The following FAM178B variants were observed in gnomAD, a reference collection of about 807,000 sequenced individuals.
FAM178B encodes protein FAM178B.
Under a neutral mutation model 91.7 loss-of-function variants are expected in FAM178B, and 82 were observed. That is an observed-to-expected ratio of 0.89 (90% CI 0.75 to 1.07). The LOEUF (loss-of-function observed/expected upper bound fraction) is 1.07, where lower values mean the gene tolerates loss of function less well. Among genes scored for constraint, FAM178B ranks in the 50% least tolerant of loss-of-function variants. The pLI, the probability that FAM178B is intolerant of heterozygous loss-of-function variation, is 0.00. For missense variants in FAM178B, 769 were observed against 846.7 expected, an observed-to-expected ratio of 0.91 and a Z score of 1.14; for synonymous variants, 368 against 359.4, an observed-to-expected ratio of 1.02 and a Z score of -0.27.
At chr2:96,916,249 G>A (rs904236513) in intron 12 of FAM178B, among the ~76,000 whole-genome samples, 2 of 152,226 alleles carry the variant, frequency 1.3e-5, no homozygotes, top group Admixed American at 6.5e-5. Context: ...CATGAGCAGG[G>A]AAGCATATGC....
At position 96,971,339 on chromosome 2, in the gene FAM178B, CTCTG is replaced by C. The variant is rs546996672; in HGVS notation, c.564+558_564+561del. ...CCCTCTGTCCCCCTCTCCCTTGTGT[CTCTG>C]TCTGTCTGTCTGTCTGTCTCTCTCT... On this transcript the variant is annotated intron_variant, in intron 3 of 16. Transcript: ENST00000490605. Among the ~76,000 whole-genome samples the C allele has an allele frequency of 6.3e-4, 94 of 148,354 alleles. 1 individual carries two copies. Among genetic ancestry groups the C allele is most frequent in the East Asian group, 1.4e-3 (7 of 5,018 alleles).
intron 14 of FAM178B, among the ~76,000 whole-genome samples, chr2:96,881,699 C>T (rs1431270424): frequency 7.1e-6 from 1 of 141,262 alleles, no homozygotes; most frequent in Non-Finnish European, 1.5e-5. Flanking sequence ...GGTTTCACAA[C>T]TTGTTTCTTA....
In FAM178B at chr2:96,967,628, C is replaced by T. The variant is rs1306010469; in HGVS notation, c.627-1G>A. On this transcript the variant is annotated splice_acceptor_variant, in intron 4 of 16. Transcript: ENST00000490605. LOFTEE classifies it high-confidence loss of function. ...TCGCTCCTGCTCCAGGGCCTGTTCC[C>T]TATAGGAAGTCGAGGGCCAGAGCCG... The T allele has an allele frequency of 2.6e-6, 4 of 1,546,362 alleles. No individual in the cohort carries two copies. The highest frequency in any genetic ancestry group is 2.0e-5 in the Admixed American group (1 of 50,990).
chr2:96,967,649 A>G lies in FAM178B; in HGVS notation c.627-22T>C, dbSNP rs565109422. On this transcript the variant is annotated intron_variant, in intron 4 of 16. Transcript: ENST00000490605. The stretch of plus-strand genomic sequence containing the variant: ...TTCCCTATAGGAAGTCGAGGGCCAG[A>G]GCCGGGGGTCAGTGTTGTTCCCCAT... The G allele has an allele frequency of 1.5e-5, 22 of 1,499,558 alleles. No homozygotes were observed. The Admixed American group carries it at 4.3e-4, about 29-fold the overall frequency. 92.9% of individuals were successfully genotyped at this position (1,499,558 alleles called of 1,614,324 possible).
At chr2:96,879,384 C>A (rs1214976686) in intron 14 of FAM178B, among the ~76,000 whole-genome samples, 1 of 152,206 alleles carries the variant, frequency 6.6e-6, no homozygotes, top group Non-Finnish European at 1.5e-5. Context: ...TCAGAACCAG[C>A]CCACGGCCCC....
chr2:96,911,168 T>C (rs1420166246), intron 12 of FAM178B, among the ~76,000 whole-genome samples: 2 of 152,164 alleles, frequency 1.3e-5, no homozygotes, highest in African/African-American at 2.4e-5. Flanking sequence ...CCCCCTGCCA[T>C]GCCAGGCTCT....
chr2:96,902,654 T>C lies in FAM178B; in HGVS notation c.1616A>G (p.Gln539Arg). 2 of 1,550,984 alleles carry C rather than the reference T, an allele frequency of 1.3e-6. No homozygotes were observed. The highest frequency in any genetic ancestry group is 1.7e-6 in the Non-Finnish European group (2 of 1,146,630). The change falls in exon 13 of 17, where the codon CAG becomes CGG. Residue 539 changes from glutamine (Q) to arginine (R), a missense_variant. Gln to Arg is a conservative substitution (Grantham distance 43). Transcript: ENST00000490605. ...CTCTTGCCAGAGAGGGAGCATCTCC[T>C]GCTGGCCCAGCATTCGAGCAATGAC... ...LVVIARMLGQ[Q>R]EMLPLWQEKT...
intron 12 of FAM178B, among the ~76,000 whole-genome samples, chr2:96,913,364 C>T (rs1297740588): frequency 6.6e-6 from 1 of 152,176 alleles, no homozygotes; most frequent in East Asian, 1.9e-4. Flanking sequence ...CATGTGGCAT[C>T]ACTGTTTGGC....
chr2:96,928,878 G>A (rs1215962776), intron 9 of FAM178B, among the ~76,000 whole-genome samples: 1 of 152,142 alleles, frequency 6.6e-6, no homozygotes, highest in Non-Finnish European at 1.5e-5. Context: ...CTGGGCATGG[G>A]GTGGCTCATA....
At chr2:96,969,772 G>C (rs2082192446) in intron 4 of FAM178B, among the ~76,000 whole-genome samples, 1 of 152,232 alleles carries the variant, frequency 6.6e-6, no homozygotes, top group Non-Finnish European at 1.5e-5. Flanking sequence ...GAGGAGCCCA[G>C]AGGGGCTGCA....
At chr2:96,963,766 G>A (rs758193060) in intron 5 of FAM178B, among the ~76,000 whole-genome samples, 13 of 152,214 alleles carry the variant, frequency 8.5e-5, no homozygotes, top group African/African-American at 2.9e-4. Context: ...GCATCTGCAG[G>A]AGCCTCCTGC....
rs530342404 is a variant in FAM178B, at chr2:96,877,346, C to A, written c.2007+544G>T. ...TCCAGGGTGACTTTTCTTTGCATTTCCTGAGGACTGCGCTTCTCTGTGTCC... is the reference window on the plus strand; with the variant it reads ...TCCAGGGTGACTTTTCTTTGCATTTACTGAGGACTGCGCTTCTCTGTGTCC... On this transcript the variant is annotated intron_variant, in intron 16 of 16. Coordinates refer to ENST00000490605, the MANE Select transcript of FAM178B (RefSeq NM_001122646.3). Among the ~76,000 whole-genome samples, 4 of 152,298 alleles carry A rather than the reference C, an allele frequency of 2.6e-5. No homozygotes were observed. In the East Asian group the frequency reaches 7.7e-4, roughly 29 times the overall value.
At chr2:96,907,944 C>T (rs1222160745) in intron 12 of FAM178B, among the ~76,000 whole-genome samples, 4 of 152,252 alleles carry the variant, frequency 2.6e-5, no homozygotes, top group Admixed American at 6.5e-5. Context: ...CAGGAAGCAA[C>T]GGCAGTGGCC....
intron 8 of FAM178B, among the ~76,000 whole-genome samples, chr2:96,930,072 G>A (rs1451510826): frequency 6.6e-6 from 1 of 151,936 alleles, no homozygotes; most frequent in Non-Finnish European, 1.5e-5. Flanking sequence ...AAAGAAAGTA[G>A]CCGAGCATGG....
chr2:96,880,146 C>A (rs1327247805), intron 14 of FAM178B, among the ~76,000 whole-genome samples: 1 of 152,204 alleles, frequency 6.6e-6, no homozygotes, highest in Non-Finnish European at 1.5e-5. Flanking sequence ...GGAGAAAGGG[C>A]CCTTCCAGGG....
In FAM178B at chr2:96,893,980, G is replaced by A; in HGVS notation, c.1722C>T (p.Pro574=). The change falls in exon 14 of 17, where the codon CCC becomes CCT. Residue 574 remains proline (P), a synonymous_variant. Transcript: ENST00000490605. ...SSLRQYLDSV[P]LPPCQEQQPK... ...GCTGTTGCTCCTGGCAGGGTGGCAA[G>A]GGCACAGAGTCCAGGTATTGCCTGA... 1 of 1,612,920 alleles carries A rather than the reference G, an allele frequency of 6.2e-7. No individual in the cohort carries two copies. The highest frequency in any genetic ancestry group is 8.5e-7 in the Non-Finnish European group (1 of 1,179,678).
intron 4 of FAM178B, among the ~76,000 whole-genome samples, 196 bp from the exon 5 acceptor site, chr2:96,967,823 C>G (rs1352125336): frequency 6.6e-6 from 1 of 151,704 alleles, no homozygotes; most frequent in African/African-American, 2.4e-5. Context: ...TGTGCTTTCC[C>G]CAAATGAGCA....
At position 96,902,609 on chromosome 2, in the gene FAM178B, C is replaced by T. The variant is rs2080955213; in HGVS notation, c.1650+11G>A. 2.6e-6 allele frequency: 4 copies of T among 1,546,108 alleles called. No individual in the cohort carries two copies. The highest frequency in any genetic ancestry group is 2.6e-6 in the Non-Finnish European group (3 of 1,142,410). On this transcript the variant is annotated intron_variant, in intron 13 of 16. Transcript: ENST00000490605. ...ATGGCCTTCCTGCCCAGGCCTGAAG[C>T]AAACACTCACCTGGGTCTTCTCTTG...
intron 5 of FAM178B, among the ~76,000 whole-genome samples, chr2:96,960,966 A>G (rs1314248850): frequency 6.6e-6 from 1 of 152,116 alleles, no homozygotes; most frequent in Non-Finnish European, 1.5e-5. Context: ...TCTTGAGCCC[A>G]TATGAAGGAG....
Sources: allele counts gnomAD v4.1 joint callset (sites outside exome capture counted in the v4.1 genomes callset), GRCh38; gene constraint gnomAD v4.1.1; transcripts MANE v1.5; gene names NCBI Gene and HGNC (gene_info 2026-07-23, HGNC 2026-07-21).